RANBP2: variants seen among roughly 807,000 people sequenced by gnomAD.
RANBP2 encodes RAN binding protein 2, also known as E3 SUMO-protein ligase RanBP2.
Under a neutral mutation model 303.6 loss-of-function variants are expected in RANBP2, and 57 were observed. That is an observed-to-expected ratio of 0.19 (90% CI 0.15 to 0.23). RANBP2 has a LOEUF of 0.23. Ranked by LOEUF, RANBP2 falls within the 10% of genes least tolerant of loss-of-function variation. The pLI is 1.00. For missense variants in RANBP2, 3,138 were observed against 3,780.8 expected, an observed-to-expected ratio of 0.83 and a Z score of 4.46; for synonymous variants, 1,167 against 1,301.5, an observed-to-expected ratio of 0.90 and a Z score of 2.23.
At chr2:109,321,551 T>G in the RANBP2 span, among the ~76,000 whole-genome samples, 1 of 152,250 alleles carries the variant, frequency 6.6e-6, no homozygotes, top group African/African-American at 2.4e-5. Flanking sequence ...TTAACAAACA[T>G]TCTCCAATAA....
the RANBP2 span, among the ~76,000 whole-genome samples, chr2:109,473,415 G>C: frequency 5.9e-5 from 9 of 152,156 alleles, no homozygotes; most frequent in Non-Finnish European, 1.2e-4. Context: ...CACCAAATTG[G>C]GACAAATACA....
the RANBP2 span, among the ~76,000 whole-genome samples, chr2:109,642,918 T>C: frequency 1.3e-5 from 2 of 152,244 alleles, no homozygotes; most frequent in African/African-American, 4.8e-5. Flanking sequence ...CTCACGCCTG[T>C]AATCCCAACA....
the RANBP2 span, among the ~76,000 whole-genome samples, chr2:109,406,046 T>C: frequency 1.3e-5 from 2 of 152,238 alleles, no homozygotes; most frequent in African/African-American, 4.8e-5. Context: ...TGCGGGGCTC[T>C]GGCTGAAGGT....
chr2:108,881,150 G>T, the RANBP2 span, among the ~76,000 whole-genome samples: 1 of 152,238 alleles, frequency 6.6e-6, no homozygotes, highest in Non-Finnish European at 1.5e-5. Context: ...AAAATCTGTT[G>T]TGTAGTGTAG....
At chr2:109,142,874 G>A in the RANBP2 span, among the ~76,000 whole-genome samples, 75 of 152,282 alleles carry the variant, frequency 4.9e-4, 1 homozygote, top group African/African-American at 1.6e-3. Flanking sequence ...GGAAATTTCT[G>A]TCAGGTTGAG....
At chr2:109,480,513 A>T in the RANBP2 span, among the ~76,000 whole-genome samples, 1 of 152,140 alleles carries the variant, frequency 6.6e-6, no homozygotes, top group Non-Finnish European at 1.5e-5. Flanking sequence ...TAGGGAGGTG[A>T]CATCAGACTG....
chr2:109,176,443 G>A, the RANBP2 span, among the ~76,000 whole-genome samples: 1 of 152,150 alleles, frequency 6.6e-6, no homozygotes, highest in African/African-American at 2.4e-5. Context: ...TGATCAAAAG[G>A]CATAGGGGCC....
At chr2:109,075,002 G>A in the RANBP2 span, among the ~76,000 whole-genome samples, 1 of 133,700 alleles carries the variant, frequency 7.5e-6, no homozygotes, top group Admixed American at 7.6e-5. Context: ...CTCCAGCCTG[G>A]GTGACAGAGC....
At chr2:109,479,359 T>G in the RANBP2 span, among the ~76,000 whole-genome samples, 1 of 152,160 alleles carries the variant, frequency 6.6e-6, no homozygotes, top group African/African-American at 2.4e-5. Context: ...GTGGCTGTAT[T>G]TAGAAAATAC....
At chr2:109,015,196 A>T in the RANBP2 span, among the ~76,000 whole-genome samples, 2 of 149,698 alleles carry the variant, frequency 1.3e-5, no homozygotes, top group Non-Finnish European at 3.0e-5. Context: ...GGTGGGAACA[A>T]ATGTGTTAAT....
Position 108,768,291 on chromosome 2 carries a change from T to C in RANBP2, c.7752T>C (p.Asp2584=). ...AATGTGAACTGTCAAAGAACTCTGATATCGAACAGTCTTCAGATAGCAAAG... is the reference window on the plus strand; with the variant it reads ...AATGTGAACTGTCAAAGAACTCTGACATCGAACAGTCTTCAGATAGCAAAG... ...PKKCELSKNS[D]IEQSSDSKVK... is the part of the protein sequence containing the mutation. Residue 2584 remains aspartate (D), a synonymous_variant, in exon 20 of 29, where the codon GAT becomes GAC. Transcript: ENST00000283195. The C allele has an allele frequency of 6.2e-7, 1 of 1,612,046 alleles. No individual in the cohort carries two copies. The highest frequency in any genetic ancestry group is 2.2e-5 in the East Asian group (1 of 44,878).
chr2:108,875,870 A>C, the RANBP2 span, among the ~76,000 whole-genome samples: 9 of 152,220 alleles, frequency 5.9e-5, 1 homozygote, highest in South Asian at 4.1e-4. Context: ...AAGAAAAAAA[A>C]GTTTTCTTTT....
the RANBP2 span, among the ~76,000 whole-genome samples, chr2:109,166,162 T>C: frequency 6.6e-6 from 1 of 152,096 alleles, no homozygotes. Flanking sequence ...GTTGGCTTTT[T>C]CCCTCAGTGC....
chr2:108,939,479 T>C, the RANBP2 span, among the ~76,000 whole-genome samples: 1 of 152,078 alleles, frequency 6.6e-6, no homozygotes, highest in Non-Finnish European at 1.5e-5. Flanking sequence ...GATTACCAGG[T>C]GGGGAGGTCA....
the RANBP2 span, among the ~76,000 whole-genome samples, chr2:109,719,183 G>A: frequency 7.0e-6 from 1 of 142,618 alleles, no homozygotes; most frequent in South Asian, 2.3e-4. Context: ...CGCAACCTCC[G>A]CCTCCCAGGT....
At chr2:109,124,391 C>T in the RANBP2 span, 1 of 152,212 alleles carries the variant, frequency 6.6e-6, no homozygotes, top group African/African-American at 2.4e-5. Context: ...TCAGGCTGGT[C>T]TCGAACTGCT....
At chr2:109,420,804 G>GGTCT in the RANBP2 span, among the ~76,000 whole-genome samples, 1 of 152,212 alleles carries the variant, frequency 6.6e-6, no homozygotes. Flanking sequence ...AGCTTCAAAA[G>GGTCT]GTCTAGAAGT....
chr2:109,552,942 A>T, the RANBP2 span: 1 of 929,336 alleles, frequency 1.1e-6, no homozygotes, highest in Non-Finnish European at 1.6e-6. Flanking sequence ...CTAAGTCAAT[A>T]TTCAAATACT....
chr2:109,453,541 T>C, the RANBP2 span, among the ~76,000 whole-genome samples: 5 of 152,060 alleles, frequency 3.3e-5, no homozygotes, highest in Admixed American at 1.3e-4. Flanking sequence ...AAGGGTGCAA[T>C]GGGCTGCGTG....
Sources: gnomAD v4.1 joint callset for allele counts (sites outside exome capture counted in the v4.1 genomes callset) on GRCh38, gnomAD v4.1.1 for gene constraint, MANE v1.5 for transcripts, NCBI Gene and HGNC (gene_info 2026-07-23, HGNC 2026-07-21) for gene names.